DLGAP1: variants seen among roughly 807,000 people sequenced by gnomAD.
DLGAP1 encodes the protein DLG associated protein 1.
DLGAP1 carries 11 observed loss-of-function variants against 90.8 expected under a neutral mutation model. The ratio of observed to expected loss-of-function variants is 0.12; its 90% CI spans 0.08 to 0.20. The LOEUF (loss-of-function observed/expected upper bound fraction) is 0.20, where lower values mean the gene tolerates loss of function less well. DLGAP1 is among the 10% of genes least tolerant of loss of function. The pLI is 1.00. For missense variants in DLGAP1, 1,050 were observed against 1,333.8 expected (o/e 0.79, Z 3.31); for synonymous variants, 558 against 540.7 (o/e 1.03, Z -0.44).
intron 1 of DLGAP1, among the ~76,000 whole-genome samples, chr18:4,351,051 T>C (rs2081393619): frequency 6.6e-6 from 1 of 152,112 alleles, no homozygotes. Context: ...TAAAGTAATC[T>C]CCAGAAAGCA....
At chr18:4,256,704 G>A (rs1279533943) in intron 1 of DLGAP1, among the ~76,000 whole-genome samples, 1 of 151,960 alleles carries the variant, frequency 6.6e-6, no homozygotes, top group Non-Finnish European at 1.5e-5. Flanking sequence ...TAATATGCTA[G>A]CTTTTACTCT....
chr18:3,952,081 ATAGT>A (rs538873184), intron 3 of DLGAP1, among the ~76,000 whole-genome samples: 21 of 152,314 alleles, frequency 1.4e-4, no homozygotes, highest in Admixed American at 5.2e-4. Context: ...TAATAGAGAG[ATAGT>A]TAGGAATGTT....
chr18:3,616,476 G>A (rs1426235143), intron 7 of DLGAP1, among the ~76,000 whole-genome samples: 1 of 152,052 alleles, frequency 6.6e-6, no homozygotes, highest in East Asian at 1.9e-4. Context: ...TAGGCCAGGT[G>A]CAGTGGCTCA....
At chr18:3,644,430 G>T (rs1467421719) in intron 7 of DLGAP1, among the ~76,000 whole-genome samples, 1 of 133,034 alleles carries the variant, frequency 7.5e-6, no homozygotes, top group Admixed American at 7.1e-5. Flanking sequence ...TATTTATTGA[G>T]ATGGAGTTTT....
intron 7 of DLGAP1, among the ~76,000 whole-genome samples, chr18:3,622,898 A>C (rs552786428): frequency 1.4e-4 from 21 of 151,886 alleles, no homozygotes; most frequent in African/African-American, 1.9e-4. Context: ...TCCGCCTCCC[A>C]GGTTCAAGTG....
At chr18:3,535,877 C>CA (rs925441515) in intron 9 of DLGAP1, among the ~76,000 whole-genome samples, 4 of 150,732 alleles carry the variant, frequency 2.7e-5, no homozygotes, top group South Asian at 2.1e-4. Flanking sequence ...ACTAAAAATA[C>CA]AAAAAAAATT....
chr18:4,168,218 C>T (rs773546708), intron 1 of DLGAP1, among the ~76,000 whole-genome samples: 21 of 152,036 alleles, frequency 1.4e-4, no homozygotes, highest in African/African-American at 3.1e-4. Context: ...CAAGACAGTA[C>T]GGTATTGGTG....
intron 2 of DLGAP1, among the ~76,000 whole-genome samples, chr18:4,023,578 G>C (rs1454543520): frequency 2.0e-5 from 3 of 152,114 alleles, no homozygotes; most frequent in Admixed American, 6.5e-5. Flanking sequence ...TGTTTTGAAG[G>C]AGTCAGGCAC....
At chr18:3,992,487 G>A (rs1568339154) in intron 3 of DLGAP1, among the ~76,000 whole-genome samples, 2 of 152,124 alleles carry the variant, frequency 1.3e-5, no homozygotes, top group Admixed American at 6.5e-5. Flanking sequence ...AGACCAGCCT[G>A]AGCAACATGG....
chr18:3,899,423 G>C (rs560251738), intron 3 of DLGAP1, among the ~76,000 whole-genome samples: 1 of 152,326 alleles, frequency 6.6e-6, no homozygotes, highest in Non-Finnish European at 1.5e-5. Context: ...CAGAATGAGT[G>C]GTACCTGTGT....
intron 2 of DLGAP1, among the ~76,000 whole-genome samples, chr18:4,055,544 T>G (rs2075201641): frequency 6.6e-6 from 1 of 151,990 alleles, no homozygotes; most frequent in Admixed American, 6.6e-5. Flanking sequence ...CAGTATTTGT[T>G]TTTTTTGTTG....
chr18:4,431,443 T>C (rs896692077), intron 1 of DLGAP1, among the ~76,000 whole-genome samples: 3 of 152,218 alleles, frequency 2.0e-5, no homozygotes, highest in Non-Finnish European at 2.9e-5. Context: ...TTTTGCATCT[T>C]ATGTACTGAA....
intron 7 of DLGAP1, among the ~76,000 whole-genome samples, chr18:3,676,616 C>T (rs1326087389): frequency 1.3e-5 from 2 of 152,012 alleles, no homozygotes; most frequent in African/African-American, 2.4e-5. Context: ...CACACCTCTG[C>T]CTTAAGGGAA....
chr18:3,824,412 C>A (rs1370055733), intron 4 of DLGAP1, among the ~76,000 whole-genome samples: 2 of 152,010 alleles, frequency 1.3e-5, no homozygotes, highest in African/African-American at 4.8e-5. Flanking sequence ...CTATACACAC[C>A]CAACTACTTG....
At chr18:3,722,713 C>T (rs1028052767) in intron 7 of DLGAP1, 1 of 152,054 alleles carries the variant, frequency 6.6e-6, no homozygotes, top group Non-Finnish European at 1.5e-5. Context: ...GATATCTGTC[C>T]CTTTGACTTC....
In DLGAP1 at chr18:3,879,598, C is replaced by T. The variant is rs139328862; in HGVS notation, c.471G>A (p.Gly157=). ...CCCCGTTGACGCTGCCCTTGGACGG[C>T]CCCTCCAGGGAGTGCGACTTGGTGA... ...KLFTKSHSLE[G]PSKGSVNGGK... Residue 157 remains glycine (G), a synonymous_variant, in exon 4 of 13, where the codon GGG becomes GGA. Transcript: ENST00000315677. The surrounding 1 kb of genome is among the most constrained non-coding windows in gnomAD (Gnocchi z 6.6). 17 of 1,601,462 alleles carry T rather than the reference C, an allele frequency of 1.1e-5. No individual in the cohort carries two copies. Among genetic ancestry groups the T allele is most frequent in the Middle Eastern group, 1.6e-4 (1 of 6,074 alleles).
intron 2 of DLGAP1, among the ~76,000 whole-genome samples, chr18:4,082,463 A>T (rs1184711856): frequency 1.5e-5 from 2 of 133,402 alleles, no homozygotes; most frequent in African/African-American, 5.6e-5. Context: ...GTGAGTTGAG[A>T]TTGTGCCACT....
chr18:3,753,581 T>C (rs902756319), intron 5 of DLGAP1, among the ~76,000 whole-genome samples: 13 of 152,198 alleles, frequency 8.5e-5, no homozygotes, highest in African/African-American at 2.9e-4. Context: ...GAAGACTTTA[T>C]GCATGTTACA....
intron 4 of DLGAP1, among the ~76,000 whole-genome samples, chr18:3,828,608 C>T (rs1304102784): frequency 7.5e-6 from 1 of 134,182 alleles, no homozygotes; most frequent in Non-Finnish European, 1.5e-5. Flanking sequence ...CCACTGCACT[C>T]CAGCCTGGGT....
Sources: allele counts gnomAD v4.1 joint callset (sites outside exome capture counted in the v4.1 genomes callset), GRCh38; gene constraint gnomAD v4.1.1; non-coding constraint Gnocchi (gnomAD v3.1); transcripts MANE v1.5; gene names NCBI Gene and HGNC (gene_info 2026-07-23, HGNC 2026-07-21).